Variants in C1orf141 observed in about 807,000 individuals in gnomAD.
C1orf141 encodes uncharacterized protein C1orf141.
Under a neutral mutation model 23.2 loss-of-function variants are expected in C1orf141, and 19 were observed. The ratio of observed to expected loss-of-function variants is 0.82; its 90% CI spans 0.57 to 1.20. The LOEUF (loss-of-function observed/expected upper bound fraction) is 1.20, where lower values mean the gene tolerates loss of function less well. Ranked by LOEUF, C1orf141 falls within the 50% of genes most tolerant of loss-of-function variation. The pLI is 0.00. For missense variants in C1orf141, 469 were observed against 455.1 expected, an observed-to-expected ratio of 1.03 and a Z score of -0.28; for synonymous variants, 153 against 154.6, an observed-to-expected ratio of 0.99 and a Z score of 0.08.
Position 67,126,013 on chromosome 1 carries a change from C to T in C1orf141, c.76-104G>A, listed in dbSNP as rs1646406007. ...AAAAATCTCACTTTACACACACACA[C>T]ACACAGAATTTAGGTGGCAGGCAAT... On this transcript the variant is annotated intron_variant, in intron 3 of 7. Coordinates refer to ENST00000684719, the MANE Select transcript of C1orf141 (RefSeq NM_001276351.2). 3 of 1,223,360 alleles carry T rather than the reference C, an allele frequency of 2.5e-6. No individual in the cohort carries two copies. In the South Asian group the frequency reaches 4.8e-5, roughly 20 times the overall value. 75.8% of individuals were successfully genotyped at this position (1,223,360 alleles called of 1,614,324 possible). A position where few individuals can be genotyped will look rare whatever the true frequency, so the allele number is the denominator to read the frequency against.
chr1:67,095,367 T>A lies in C1orf141; in HGVS notation c.471A>T (p.Arg157Ser). 6.4e-7 allele frequency: 1 copy of A among 1,567,066 alleles called. No homozygotes were observed. The highest frequency in any genetic ancestry group is 8.7e-7 in the Non-Finnish European group (1 of 1,151,544). The change falls in exon 7 of 8, where the codon AGA becomes AGT. Residue 157 changes from arginine to serine, a missense_variant. Transcript: ENST00000684719. Reference protein sequence around the residue: ...DFNIKENKSVRNYQLSKYRSV... With the variant: ...DFNIKENKSVSNYQLSKYRSV... ...ACCTATACTTACTTAATTGATAATT[T>A]CTGACCGATTTGTTTTCTTTTATAT...
chr1:67,130,654 C>T (rs1473731320), intron 2 of C1orf141, among the ~76,000 whole-genome samples: 1 of 152,048 alleles, frequency 6.6e-6, no homozygotes, highest in Non-Finnish European at 1.5e-5. Context: ...AATTATTTGG[C>T]TATGAATGAT....
intron 5 of C1orf141, among the ~76,000 whole-genome samples, chr1:67,104,419 G>A (rs1645875040): frequency 6.6e-6 from 1 of 152,102 alleles, no homozygotes; most frequent in Admixed American, 6.6e-5. Context: ...AAGAAGACGA[G>A]TTGTGAGAGG....
intron 4 of C1orf141, 59 bp from the exon 5 acceptor site, chr1:67,115,523 T>C (rs981774987): frequency 8.5e-6 from 6 of 709,790 alleles, no homozygotes; most frequent in African/African-American, 1.8e-5. Flanking sequence ...AAAATAAATC[T>C]AAAAAATAAA....
chr1:67,138,666 C>T (rs1008800984), upstream of C1orf141, among the ~76,000 whole-genome samples: 1 of 152,156 alleles, frequency 6.6e-6, no homozygotes, highest in African/African-American at 2.4e-5. Flanking sequence ...TTCTGATTGT[C>T]TTTCTAGCTT....
At chr1:67,124,545 C>T (rs1457334596) in intron 4 of C1orf141, among the ~76,000 whole-genome samples, 1 of 152,166 alleles carries the variant, frequency 6.6e-6, no homozygotes, top group Non-Finnish European at 1.5e-5. Flanking sequence ...TCTCAAACTC[C>T]TGACCTCAGG....
chr1:67,123,398 T>C (rs1646339758), intron 4 of C1orf141: 1 of 152,170 alleles, frequency 6.6e-6, no homozygotes, highest in Non-Finnish European at 1.5e-5. Context: ...AGATTAGTTA[T>C]ACACAAATCC....
chr1:67,114,382 C>T (rs530720594), intron 5 of C1orf141, among the ~76,000 whole-genome samples: 1 of 152,114 alleles, frequency 6.6e-6, no homozygotes, highest in African/African-American at 2.4e-5. Context: ...GTCCAGCACA[C>T]ATTCAAAGAT....
At chr1:67,138,962 GGAA>G (rs949757233), upstream of C1orf141, 1 of 152,322 alleles carries the variant, frequency 6.6e-6, no homozygotes, top group Non-Finnish European at 1.5e-5. Context: ...GAGCCTTCAG[GGAA>G]GAAGACTTCC....
intron 6 of C1orf141, 70 bp from the exon 7 acceptor site, chr1:67,095,491 CT>C: frequency 1.1e-6 from 1 of 886,728 alleles, no homozygotes; most frequent in Non-Finnish European, 1.7e-6. Context: ...TGTCTGCCTC[CT>C]TTTATCCCTG....
chr1:67,138,178 C>A (rs118017691), upstream of C1orf141, among the ~76,000 whole-genome samples: 180 of 152,302 alleles, frequency 1.2e-3, 6 homozygotes, highest in East Asian at 0.03. Flanking sequence ...CCTCAAAACT[C>A]ATTATCTTTC....
At chr1:67,097,802 A>G (rs2102418527) in intron 5 of C1orf141, among the ~76,000 whole-genome samples, 1 of 152,218 alleles carries the variant, frequency 6.6e-6, no homozygotes, top group East Asian at 1.9e-4. Flanking sequence ...TGGACTCGAT[A>G]AGGATTGTAG....
intron 1 of C1orf141, among the ~76,000 whole-genome samples, chr1:67,134,367 G>T (rs546675978): frequency 9.9e-5 from 15 of 152,242 alleles, no homozygotes; most frequent in Non-Finnish European, 1.8e-4. Context: ...GTGGATTGTG[G>T]AGTATTATTG....
At chr1:67,099,910 A>G (rs1003783110) in intron 5 of C1orf141, among the ~76,000 whole-genome samples, 1 of 152,190 alleles carries the variant, frequency 6.6e-6, no homozygotes, top group Admixed American at 6.5e-5. Flanking sequence ...TAAATGAAAT[A>G]TTGTGAATAT....
At chr1:67,097,869 T>A (rs1347180308) in intron 5 of C1orf141, among the ~76,000 whole-genome samples, 2 of 152,078 alleles carry the variant, frequency 1.3e-5, no homozygotes, top group Non-Finnish European at 2.9e-5. Flanking sequence ...GAGATCCAAC[T>A]TTTTCCCATT....
At chr1:67,101,449 A>AGTGTGTGTGTGTGT (rs10688535) in intron 5 of C1orf141, among the ~76,000 whole-genome samples, 1,523 of 135,316 alleles carry the variant, frequency 0.011, 17 homozygotes, top group African/African-American at 0.018. Context: ...TGAATGTAAG[A>AGTGTGTGTGTGTGT]GTGTGTGTGT....
chr1:67,106,907 A>G (rs748906879), intron 5 of C1orf141, among the ~76,000 whole-genome samples: 20 of 152,212 alleles, frequency 1.3e-4, no homozygotes, highest in Non-Finnish European at 2.5e-4. Context: ...ACTTAATATG[A>G]AAAAATAGAG....
intron 1 of C1orf141, among the ~76,000 whole-genome samples, chr1:67,133,660 A>T (rs961593767): frequency 1.3e-5 from 2 of 152,166 alleles, no homozygotes; most frequent in Non-Finnish European, 2.9e-5. Context: ...TGGGGTTGTT[A>T]GGGTAGGCCT....
chr1:67,130,327 T>G (rs1224093748), intron 2 of C1orf141, among the ~76,000 whole-genome samples: 1 of 152,216 alleles, frequency 6.6e-6, no homozygotes, highest in Non-Finnish European at 1.5e-5. Context: ...GAAGAATCAA[T>G]GTATTGAAGT....
Sources: gnomAD v4.1 joint callset for allele counts (sites outside exome capture counted in the v4.1 genomes callset) on GRCh38, gnomAD v4.1.1 for gene constraint, MANE v1.5 for transcripts, NCBI Gene and HGNC (gene_info 2026-07-23, HGNC 2026-07-21) for gene names.